EPHB1: variants seen among roughly 807,000 people sequenced by gnomAD.
The protein encoded by EPHB1 is ephrin type-B receptor 1.
EPHB1 carries 30 observed loss-of-function variants against 94.4 expected under a neutral mutation model. The ratio of observed to expected loss-of-function variants is 0.32; its 90% confidence interval spans 0.24 to 0.43. The LOEUF (loss-of-function observed/expected upper bound fraction) is 0.43. Ranked by LOEUF, EPHB1 falls within the 20% of genes least tolerant of loss-of-function variation. The probability of loss-of-function intolerance (pLI) is 1.00; values close to 1 mark genes in which losing one functional copy is unlikely to be tolerated. For missense variants in EPHB1, 1,055 were observed against 1,308.3 expected (o/e 0.81, Z 2.99); for synonymous variants, 522 against 489.1 (o/e 1.07, Z -0.89).
rs74829203 is a variant in EPHB1, at chr3:134,847,532, G to C, written c.58+51843G>C. ...ACAGCCACACACAACACACCTTCTG[G>C]TGGCTGCAGGGAAGACAATTCCTGA... On this transcript the variant is annotated intron_variant, in intron 1 of 15. Transcript: ENST00000398015. Among the ~76,000 whole-genome samples, 90 of 152,330 alleles carry C rather than the reference G, an allele frequency of 5.9e-4. No homozygotes were observed. In the East Asian group the frequency reaches 0.017, roughly 29 times the overall value.
intron 3 of EPHB1, among the ~76,000 whole-genome samples, chr3:135,104,467 G>T (rs1264148953): frequency 6.6e-6 from 1 of 152,128 alleles, no homozygotes; most frequent in Non-Finnish European, 1.5e-5. Flanking sequence ...TCTTCTGAAT[G>T]TGCTGAGATG....
At chr3:135,159,412 A>T (rs534050428) in intron 6 of EPHB1, among the ~76,000 whole-genome samples, 2 of 152,358 alleles carry the variant, frequency 1.3e-5, no homozygotes, top group Non-Finnish European at 2.9e-5. Flanking sequence ...TCACTGCTTC[A>T]TATTTATCAG....
intron 3 of EPHB1, among the ~76,000 whole-genome samples, chr3:135,014,872 C>T (rs1057013223): frequency 6.6e-6 from 1 of 152,200 alleles, no homozygotes; most frequent in Non-Finnish European, 1.5e-5. Context: ...AGTTGTTATA[C>T]TTATTTCTTC....
At chr3:135,192,874 G>C in intron 11 of EPHB1, 51 bp downstream of exon 11, 4 of 1,591,912 alleles carry the variant, frequency 2.5e-6, no homozygotes, top group Non-Finnish European at 3.4e-6. Context: ...GGTGAATGAT[G>C]GCTGGGGAGA....
chr3:135,081,218 A>G (rs2107787053), intron 3 of EPHB1, among the ~76,000 whole-genome samples: 1 of 152,310 alleles, frequency 6.6e-6, no homozygotes, highest in Non-Finnish European at 1.5e-5. Context: ...ACCTTTGAAT[A>G]TGTTCCTCAC....
chr3:135,250,972 G>T (rs1404188607), intron 15 of EPHB1, among the ~76,000 whole-genome samples: 3 of 151,990 alleles, frequency 2.0e-5, no homozygotes, highest in African/African-American at 7.3e-5. Flanking sequence ...CTATAGCTGA[G>T]CCCCCAGGGA....
At chr3:135,083,738 C>T (rs1051937322) in intron 3 of EPHB1, among the ~76,000 whole-genome samples, 1 of 152,000 alleles carries the variant, frequency 6.6e-6, no homozygotes. Flanking sequence ...TAGTTATGTG[C>T]GTAGTATGTA....
At chr3:135,196,830 T>A (rs936877288) in intron 11 of EPHB1, among the ~76,000 whole-genome samples, 1 of 152,110 alleles carries the variant, frequency 6.6e-6, no homozygotes, top group Non-Finnish European at 1.5e-5. Context: ...ACACATTCAG[T>A]AGATGGTTCA....
chr3:135,254,135 G>C (rs565800402), intron 15 of EPHB1, among the ~76,000 whole-genome samples: 265 of 93,628 alleles, frequency 2.8e-3, no homozygotes, highest in African/African-American at 9.7e-3. Flanking sequence ...GGGTTTTCTA[G>C]ATATACAATC....
intron 3 of EPHB1, among the ~76,000 whole-genome samples, chr3:135,023,229 G>C (rs1027588878): frequency 6.6e-6 from 1 of 152,180 alleles, no homozygotes; most frequent in Non-Finnish European, 1.5e-5. Context: ...ATGTTAACAA[G>C]AGTATGAGAT....
At chr3:135,234,403 C>G (rs1481227517) in intron 12 of EPHB1, among the ~76,000 whole-genome samples, 1 of 152,206 alleles carries the variant, frequency 6.6e-6, no homozygotes, top group Non-Finnish European at 1.5e-5. Context: ...CAAAGCCATT[C>G]AACAAGTCTC....
At chr3:134,887,185 A>G (rs1224385780) in intron 1 of EPHB1, among the ~76,000 whole-genome samples, 1 of 151,960 alleles carries the variant, frequency 6.6e-6, no homozygotes, top group Non-Finnish European at 1.5e-5. Flanking sequence ...AACTGGTCTC[A>G]CTCTCAGGTC....
intron 7 of EPHB1, among the ~76,000 whole-genome samples, chr3:135,165,190 A>G (rs1941617359): frequency 6.6e-6 from 1 of 152,228 alleles, no homozygotes; most frequent in Non-Finnish European, 1.5e-5. Context: ...GAGATTTGGT[A>G]TTTAGGACAC....
chr3:134,925,193 A>AG (rs2038764842), intron 1 of EPHB1, among the ~76,000 whole-genome samples: 1 of 152,188 alleles, frequency 6.6e-6, no homozygotes. Context: ...CCTGCATGGT[A>AG]GGCTGCTGGG....
chr3:134,986,711 A>AACACACACACACACACACACACACAC (rs60628273), intron 3 of EPHB1, among the ~76,000 whole-genome samples: 8 of 145,626 alleles, frequency 5.5e-5, no homozygotes, highest in African/African-American at 1.8e-4. Flanking sequence ...TAAAGATATT[A>AACACACACACACACACACACACACAC]ACACACACAC....
chr3:134,867,272 G>A (rs1560272951), intron 1 of EPHB1, among the ~76,000 whole-genome samples: 2 of 152,204 alleles, frequency 1.3e-5, no homozygotes, highest in South Asian at 2.1e-4. Context: ...GGATGTCTAA[G>A]TTATTCATTT....
intron 3 of EPHB1, among the ~76,000 whole-genome samples, chr3:134,995,933 G>A (rs1934975650): frequency 1.3e-5 from 2 of 149,472 alleles, no homozygotes; most frequent in African/African-American, 5.0e-5. Context: ...CTAATATATT[G>A]GTATAATGTG....
intron 3 of EPHB1, among the ~76,000 whole-genome samples, chr3:135,055,174 G>T (rs1937312318): frequency 6.6e-6 from 1 of 151,978 alleles, no homozygotes; most frequent in African/African-American, 2.4e-5. Context: ...TCTACCTTTG[G>T]GTATAATATC....
At chr3:135,221,480 G>A (rs539726656) in intron 12 of EPHB1, among the ~76,000 whole-genome samples, 2 of 152,104 alleles carry the variant, frequency 1.3e-5, no homozygotes, top group African/African-American at 2.4e-5. Flanking sequence ...TTCTTTCCTT[G>A]TTCTATTTTT....
Sources: gnomAD v4.1 joint callset for allele counts (sites outside exome capture counted in the v4.1 genomes callset) on GRCh38, gnomAD v4.1.1 for gene constraint, MANE v1.5 for transcripts, NCBI Gene and HGNC (gene_info 2026-07-23, HGNC 2026-07-21) for gene names.